The following LTBP2 variants were observed in gnomAD, a reference collection of about 807,000 sequenced individuals.
LTBP2 encodes latent transforming growth factor beta binding protein 2.
In LTBP2, 103 loss-of-function variants were observed where a neutral mutation model predicts 210.6. The observed-to-expected ratio is 0.49, with a 90% CI of 0.42 to 0.58. LTBP2 has a LOEUF of 0.58. LTBP2 is among the 20% of genes least tolerant of loss of function. LTBP2 has a pLI of 0.00. For synonymous variants in LTBP2, 1,007 were observed against 1,015.0 expected (o/e 0.99, Z 0.15); for missense variants, 2,313 against 2,494.5 (o/e 0.93, Z 1.55).
At position 74,501,570 on chromosome 14, in the gene LTBP2, C is replaced by G; in HGVS notation, c.5191G>C (p.Gly1731Arg). The change falls in exon 35 of 36, where the codon GGG (glycine) becomes CGG (arginine). Residue 1731 changes from glycine (G) to arginine (R), a missense_variant. Gly to Arg is a moderately radical substitution (Grantham distance 125). Around this residue, in one of 3 missense-constraint regions of LTBP2, gnomAD observed 443 missense variants for 501.4 expected, o/e 0.88. Transcript: ENST00000261978. Reference sequence around the variant, plus strand: ...ATGCCGCACTCCTCCGCCTGAAGCCCTTCGAAGCCGGCTGGGGGCTCTGGG... The same window carrying G: ...ATGCCGCACTCCTCCGCCTGAAGCCGTTCGAAGCCGGCTGGGGGCTCTGGG... ...SHPEPPAGFEGLQAEECGILN... is the reference protein window; with the variant it reads ...SHPEPPAGFERLQAEECGILN... The G allele has an allele frequency of 6.2e-7, 1 of 1,614,136 alleles. No homozygotes were observed. The highest frequency in any genetic ancestry group is 8.5e-7 in the Non-Finnish European group (1 of 1,180,038).
At position 74,501,582 on chromosome 14, in the gene LTBP2, C is replaced by G. The variant is rs377616549; in HGVS notation, c.5179G>C (p.Ala1727Pro). ...TCCGCCTGAAGCCCTTCGAAGCCGG[C>G]TGGGGGCTCTGGGAGGAGGAAATCG... ...HYVASHPEPP[A>P]GFEGLQAEEC... is the part of the protein sequence containing the mutation. Residue 1727 changes from alanine (A) to proline (P), a missense_variant, in exon 35 of 36, where the codon GCC becomes CCC. Ala to Pro is a conservative substitution (Grantham distance 27). Transcript: ENST00000261978. 1 of 1,614,032 alleles carries G rather than the reference C, an allele frequency of 6.2e-7. No homozygotes were observed. The highest frequency in any genetic ancestry group is 2.2e-5 in the East Asian group (1 of 44,878).
intron 1 of LTBP2, among the ~76,000 whole-genome samples, chr14:74,609,846 C>G (rs1342563673): frequency 6.6e-6 from 1 of 152,268 alleles, no homozygotes; most frequent in Non-Finnish European, 1.5e-5. Flanking sequence ...GCCTTGGACT[C>G]TGGGCCTCCA....
At chr14:74,599,805 C>G (rs1419638453) in intron 2 of LTBP2, among the ~76,000 whole-genome samples, 10 of 152,214 alleles carry the variant, frequency 6.6e-5, no homozygotes, top group Admixed American at 6.5e-4. Context: ...GGCAACTGAG[C>G]AGGAGCCAGC....
intron 13 of LTBP2, among the ~76,000 whole-genome samples, chr14:74,527,079 C>G (rs975700249): frequency 8.5e-5 from 13 of 152,230 alleles, no homozygotes; most frequent in African/African-American, 3.1e-4. Context: ...TACTTCCTTT[C>G]TGAAGGGGCC....
rs1419169651 is a variant in LTBP2, at chr14:74,500,358, C to T, written c.*526G>A. 6.3e-6 allele frequency: 2 copies of T among 315,216 alleles called. No individual in the cohort carries two copies. Among genetic ancestry groups the T allele is most frequent in the Non-Finnish European group, 6.0e-6 (1 of 166,822 alleles). 19.5% of individuals were successfully genotyped at this position (315,216 alleles called of 1,614,324 possible). ...GGTGTGGCAAAATCAGGGCCCAGAA[C>T]AGATTGGCTGAGTGGTGGTGATGGT... On this transcript the variant is annotated 3_prime_UTR_variant, in exon 36 of 36. Coordinates refer to ENST00000261978, the MANE Select transcript of LTBP2 (RefSeq NM_000428.3).
intron 7 of LTBP2, among the ~76,000 whole-genome samples, chr14:74,550,460 C>T (rs1335891966): frequency 6.6e-6 from 1 of 152,144 alleles, no homozygotes; most frequent in African/African-American, 2.4e-5. Flanking sequence ...TCTGGAAATA[C>T]CTTAGTTTCT....
rs1372941474 is a variant in LTBP2 at position 74,532,552 on chromosome 14, C to T, written c.1865-4G>A. ...AGGGTCAAGCACTCGTTGATATCTG[C>T]AGGGTTGGAGGAGATGACCAAGTGC... is the stretch of plus-strand genomic sequence containing the variant. On this transcript the variant is annotated splice_polypyrimidine_tract_variant and splice_region_variant and intron_variant, in intron 9 of 35. Transcript: ENST00000261978. 1 of 1,613,962 alleles carries T rather than the reference C, an allele frequency of 6.2e-7. No homozygotes were observed. Among genetic ancestry groups the T allele is most frequent in the Middle Eastern group, 1.6e-4 (1 of 6,062 alleles).
intron 2 of LTBP2, among the ~76,000 whole-genome samples, chr14:74,593,146 C>T (rs966016448): frequency 3.9e-5 from 6 of 152,206 alleles, no homozygotes; most frequent in Non-Finnish European, 7.3e-5. Context: ...CCCTTCACTC[C>T]ACCCCAGAAC....
chr14:74,526,257 T>C, intron 13 of LTBP2, 143 bp from the exon 14 acceptor site: 1 of 818,320 alleles, frequency 1.2e-6, no homozygotes. Context: ...TGATGAGTTC[T>C]TACTCTATGC....
rs1038522876 is a variant in LTBP2, at chr14:74,528,964, C to T, written c.2146G>A (p.Gly716Ser). The change falls in exon 11 of 36, where the codon GGC becomes AGC. Residue 716 changes from glycine to serine, a missense_variant. Coordinates refer to ENST00000261978, the MANE Select transcript of LTBP2 (RefSeq NM_000428.3). ...GATGGGAACAGGAGGTTACCTGTGC[C>T]AGGCAGAGGGCATTTCTCACACTCG... ...GSECEKCPLP[G>S]TEAFREICPA... The T allele has an allele frequency of 6.2e-7, 1 of 1,611,162 alleles. No individual in the cohort carries two copies. Among genetic ancestry groups the T allele is most frequent in the South Asian group, 1.1e-5 (1 of 90,460 alleles).
At position 74,540,860 on chromosome 14, in the gene LTBP2, T is replaced by TA. The variant is rs1341705381; in HGVS notation, c.1790-4861dup. Among the ~76,000 whole-genome samples, 272 of 95,332 alleles carry TA rather than the reference T, an allele frequency of 2.9e-3. 8 individuals are homozygous for TA. The highest frequency in any genetic ancestry group is 5.0e-3 in the Non-Finnish European group (242 of 48,184). 62.5% of individuals were successfully genotyped at this position (95,332 alleles called of 152,430 possible). A position where few individuals can be genotyped will look rare whatever the true frequency, so the allele number is the denominator to read the frequency against. On this transcript the variant is annotated intron_variant, in intron 8 of 35. Transcript: ENST00000261978. ...ATATTTATATATATTATATATATTA[T>TA]ATATATTTATATATATAATATATAT...
At chr14:74,524,363 G>C (rs2087244296) in intron 15 of LTBP2, among the ~76,000 whole-genome samples, 1 of 152,100 alleles carries the variant, frequency 6.6e-6, no homozygotes, top group Non-Finnish European at 1.5e-5. Context: ...AGGCGCAGGG[G>C]CTTTCCCTTT....
intron 18 of LTBP2, among the ~76,000 whole-genome samples, chr14:74,514,371 C>T (rs1487948973): frequency 6.6e-6 from 1 of 152,144 alleles, no homozygotes; most frequent in African/African-American, 2.4e-5. Context: ...CAAACTTCAC[C>T]CTTCATCTTT....
chr14:74,574,584 T>A (rs976952566), intron 3 of LTBP2, among the ~76,000 whole-genome samples: 1 of 152,142 alleles, frequency 6.6e-6, no homozygotes, highest in Admixed American at 6.5e-5. Flanking sequence ...CTACTGATGA[T>A]GAAGATGATG....
At chr14:74,566,944 G>A (rs2087910756) in intron 3 of LTBP2, among the ~76,000 whole-genome samples, 2 of 152,230 alleles carry the variant, frequency 1.3e-5, no homozygotes, top group South Asian at 4.1e-4. Flanking sequence ...TGAAAGGACT[G>A]GATTCCCCAG....
intron 17 of LTBP2, among the ~76,000 whole-genome samples, chr14:74,520,677 T>G (rs2087190692): frequency 6.6e-6 from 1 of 152,106 alleles, no homozygotes; most frequent in Non-Finnish European, 1.5e-5. Flanking sequence ...GGCAGGCGCC[T>G]GTAGTCCCAG....
chr14:74,554,489 A>C (rs1218927002), intron 4 of LTBP2, among the ~76,000 whole-genome samples: 1 of 152,178 alleles, frequency 6.6e-6, no homozygotes, highest in African/African-American at 2.4e-5. Flanking sequence ...ACAGAGCAAG[A>C]CTCTGTCTCT....
chr14:74,525,015 G>A, intron 15 of LTBP2, 109 bp downstream of exon 15: 1 of 544,608 alleles, frequency 1.8e-6, no homozygotes, highest in Non-Finnish European at 3.1e-6. Context: ...TTACCTAGTT[G>A]GAAAGGTGAG....
intron 34 of LTBP2, 147 bp from the exon 35 acceptor site, chr14:74,501,737 A>AGAT: frequency 1.0e-6 from 1 of 963,730 alleles, no homozygotes; most frequent in East Asian, 2.6e-5. Flanking sequence ...TCTTGTGGAA[A>AGAT]GATGCTAGAA....
Sources: allele counts gnomAD v4.1 joint callset (sites outside exome capture counted in the v4.1 genomes callset), GRCh38; gene constraint gnomAD v4.1.1; regional missense constraint gnomAD v4.1.1; transcripts MANE v1.5; gene names NCBI Gene and HGNC (gene_info 2026-07-23, HGNC 2026-07-21).